The following SORCS2 variants were observed in gnomAD, a reference collection of about 807,000 sequenced individuals.
SORCS2 encodes sortilin related VPS10 domain containing receptor 2, also known as VPS10 domain-containing receptor SorCS2.
Under a neutral mutation model 141.6 loss-of-function variants are expected in SORCS2, and 100 were observed. The observed-to-expected ratio is 0.71, with a 90% confidence interval of 0.60 to 0.83. The LOEUF is 0.83. Among genes scored for constraint, SORCS2 ranks in the 40% least tolerant of loss-of-function variants. The probability of loss-of-function intolerance (pLI) is 0.00; values close to 1 mark genes in which losing one functional copy is unlikely to be tolerated. For missense variants in SORCS2, 1,646 were observed against 1,560.2 expected, an observed-to-expected ratio of 1.05 and a Z score of -0.93; for synonymous variants, 789 against 676.9, an observed-to-expected ratio of 1.17 and a Z score of -2.57.
At chr4:7,597,293 A>T (rs1026967085) in intron 3 of SORCS2, among the ~76,000 whole-genome samples, 1 of 150,522 alleles carries the variant, frequency 6.6e-6, no homozygotes, top group Non-Finnish European at 1.5e-5. Flanking sequence ...GGCGATTGCA[A>T]TCGGAGATGG....
At chr4:7,345,614 A>C (rs1219468242) in intron 1 of SORCS2, among the ~76,000 whole-genome samples, 1 of 152,084 alleles carries the variant, frequency 6.6e-6, no homozygotes, top group Non-Finnish European at 1.5e-5. Flanking sequence ...GACCTCTCCA[A>C]ACCTCCGTTT....
chr4:7,585,895 G>A (rs896499987), intron 3 of SORCS2, among the ~76,000 whole-genome samples: 1 of 152,202 alleles, frequency 6.6e-6, no homozygotes, highest in African/African-American at 2.4e-5. Flanking sequence ...ACATCTGAAG[G>A]GGTTGCTCTA....
At chr4:7,260,036 C>G (rs190267606) in intron 1 of SORCS2, among the ~76,000 whole-genome samples, 2 of 152,352 alleles carry the variant, frequency 1.3e-5, no homozygotes, top group East Asian at 3.9e-4. Flanking sequence ...CACCATACCC[C>G]TCTCACTCCC....
chr4:7,574,370 A>T (rs1715606023), intron 3 of SORCS2, among the ~76,000 whole-genome samples: 1 of 152,196 alleles, frequency 6.6e-6, no homozygotes, highest in Admixed American at 6.5e-5. Flanking sequence ...AGCCAAGTGC[A>T]TTTTTTAACA....
Position 7,725,184 on chromosome 4 carries a change from T to C in SORCS2, c.2642T>C (p.Val881Ala). 1.9e-6 allele frequency: 3 copies of C among 1,613,466 alleles called. No homozygotes were observed. The South Asian group carries it at 3.3e-5, about 18-fold the overall frequency. Residue 881 changes from valine (V) to alanine (A), a missense_variant, in exon 20 of 27, where the codon GTT (valine) becomes GCT (alanine). Transcript: ENST00000507866. Reference sequence around the variant, plus strand: ...CTGCAGGCCCTCTACCTGGAGGTGGTTCCTGTCATTGGCCTCAACCAGGAG... The same window carrying C: ...CTGCAGGCCCTCTACCTGGAGGTGGCTCCTGTCATTGGCCTCAACCAGGAG... ...SPLQALYLEV[V>A]PVIGLNQEVN... is the part of the protein sequence containing the mutation.
chr4:7,714,153 C>A, intron 15 of SORCS2, 87 bp from the exon 16 acceptor site: 1 of 1,496,520 alleles, frequency 6.7e-7, no homozygotes, highest in Non-Finnish European at 9.0e-7. Context: ...CAGCCATCTT[C>A]AGGCTCTGGC....
chr4:7,726,280 C>T (rs1200848052), intron 20 of SORCS2, among the ~76,000 whole-genome samples: 1 of 152,180 alleles, frequency 6.6e-6, no homozygotes, highest in Non-Finnish European at 1.5e-5. Flanking sequence ...GGGGGGCAGG[C>T]CTGGGGAGCT....
chr4:7,659,527 A>C (rs1202159084), intron 5 of SORCS2, among the ~76,000 whole-genome samples: 2 of 152,158 alleles, frequency 1.3e-5, no homozygotes, highest in Non-Finnish European at 2.9e-5. Flanking sequence ...ATGTCCCTCA[A>C]AGGCGAGGCT....
chr4:7,719,019 A>C (rs1178504126), intron 18 of SORCS2, among the ~76,000 whole-genome samples: 1 of 152,254 alleles, frequency 6.6e-6, no homozygotes, highest in African/African-American at 2.4e-5. Context: ...AGAAAAGGGC[A>C]AAAGAGGGTT....
At chr4:7,384,354 T>G (rs1723162566) in intron 1 of SORCS2, among the ~76,000 whole-genome samples, 1 of 152,144 alleles carries the variant, frequency 6.6e-6, no homozygotes, top group African/African-American at 2.4e-5. Context: ...AGGAAGTCAT[T>G]TATTTTAATG....
rs140106385 is a variant in SORCS2, at chr4:7,529,371, G to A, written c.549-2159G>A. On this transcript the variant is annotated intron_variant, in intron 2 of 26. Transcript: ENST00000507866. ...TTGTATTTTTGCTTCTTTCCTTATC[G>A]TCCATCTGCCTCCTTCCATCTCCCC... 8.6e-4 allele frequency among the ~76,000 whole-genome samples: 130 copies of A among 151,538 alleles called. 2 individuals are homozygous for A. Among genetic ancestry groups the A allele is most frequent in the African/African-American group, 3.0e-3 (123 of 41,226 alleles).
At chr4:7,422,059 G>A (rs1362358777) in intron 2 of SORCS2, among the ~76,000 whole-genome samples, 1 of 152,148 alleles carries the variant, frequency 6.6e-6, no homozygotes, top group Non-Finnish European at 1.5e-5. Context: ...TGCCCCCTTT[G>A]CTACTTTTCC....
intron 3 of SORCS2, among the ~76,000 whole-genome samples, chr4:7,617,932 G>C (rs1012983486): frequency 1.3e-4 from 20 of 151,990 alleles, no homozygotes; most frequent in African/African-American, 4.8e-4. Flanking sequence ...TCGCAGTCAG[G>C]AGTGGGATGC....
Position 7,628,023 on chromosome 4 carries a change from G to T in SORCS2, c.649-10305G>T, listed in dbSNP as rs559262550. On this transcript the variant is annotated intron_variant, in intron 3 of 26. Transcript: ENST00000507866. ...TGGCACAGCCCCGGGCCTGCCTGCA[G>T]CAGCTGCTGGAGAACAAGGTGTCTC... Among the ~76,000 whole-genome samples the T allele has an allele frequency of 2.0e-5, 3 of 152,364 alleles. No individual in the cohort carries two copies. The South Asian group carries it at 6.2e-4, about 32-fold the overall frequency.
Position 7,193,162 on chromosome 4 carries a change from CCGGGACACCG to C in SORCS2, c.480+46_480+55del, listed in dbSNP as rs766099482. The C allele has an allele frequency of 2.1e-5, 31 of 1,469,848 alleles. No homozygotes were observed. The African/African-American group carries it at 4.1e-4, about 19-fold the overall frequency. The allele number at this position is 1,469,848 out of a possible 1,614,324, so 91.1% of individuals were successfully genotyped here. A position where few individuals can be genotyped will look rare whatever the true frequency, so the allele number is the denominator to read the frequency against. ...TCCACGCGCTCGCCGCGGCCCCTAC[CCGGGACACCG>C]CGGGACACCCGGGCGGGACCGCCAC... On this transcript the variant is annotated intron_variant, in intron 1 of 26. Transcript: ENST00000507866. This position sits in a 1 kb window ranked among gnomAD's most constrained non-coding sequence, Gnocchi z 4.8.
Position 7,412,603 on chromosome 4 carries a change from G to T in SORCS2, c.548+16248G>T, listed in dbSNP as rs1381714128. Among the ~76,000 whole-genome samples, 3 of 152,156 alleles carry T rather than the reference G, an allele frequency of 2.0e-5. No homozygotes were observed. In the East Asian group the frequency reaches 5.8e-4, roughly 29 times the overall value. On this transcript the variant is annotated intron_variant, in intron 2 of 26. Transcript: ENST00000507866. Reference sequence around the variant, plus strand: ...TGATTTGATTCTGCACCTGTGATCAGCTGAGAATCGTCTCTCAGGGTTGGT... The same window carrying T: ...TGATTTGATTCTGCACCTGTGATCATCTGAGAATCGTCTCTCAGGGTTGGT...
At chr4:7,426,077 C>T (rs561040167) in intron 2 of SORCS2, among the ~76,000 whole-genome samples, 14 of 152,308 alleles carry the variant, frequency 9.2e-5, no homozygotes, top group South Asian at 2.1e-4. Flanking sequence ...GGTTTTCATT[C>T]TCCATCGCTT....
At chr4:7,636,887 G>A (rs1329867883) in intron 3 of SORCS2, among the ~76,000 whole-genome samples, 4 of 152,038 alleles carry the variant, frequency 2.6e-5, no homozygotes, top group Non-Finnish European at 4.4e-5. Flanking sequence ...CCAAGGTGTC[G>A]GCCAGGCTGG....
chr4:7,231,933 C>T (rs1711919727), intron 1 of SORCS2, among the ~76,000 whole-genome samples: 1 of 152,156 alleles, frequency 6.6e-6, no homozygotes, highest in African/African-American at 2.4e-5. Flanking sequence ...TGGGCTGGAT[C>T]ATGGAGGGTC....
Sources: allele counts gnomAD v4.1 joint callset (sites outside exome capture counted in the v4.1 genomes callset), GRCh38; gene constraint gnomAD v4.1.1; non-coding constraint Gnocchi (gnomAD v3.1); transcripts MANE v1.5; gene names NCBI Gene and HGNC (gene_info 2026-07-23, HGNC 2026-07-21).